Variants in GLRA1 observed in about 807,000 individuals in gnomAD.
The protein encoded by GLRA1 is glycine receptor subunit alpha-1.
Under a neutral mutation model 48.3 loss-of-function variants are expected in GLRA1, and 37 were observed. The ratio of observed to expected loss-of-function variants is 0.77; its 90% CI spans 0.59 to 1.01. GLRA1 has a LOEUF of 1.01. Ranked by LOEUF, GLRA1 falls within the 50% of genes least tolerant of loss-of-function variation. The pLI, the probability that GLRA1 is intolerant of heterozygous loss-of-function variation, is 0.00. For missense variants in GLRA1, 427 were observed against 571.0 expected (o/e 0.75, Z 2.57); for synonymous variants, 196 against 210.7 (o/e 0.93, Z 0.60).
intron 1 of GLRA1, among the ~76,000 whole-genome samples, chr5:151,897,670 T>G (rs1313827135): frequency 1.3e-5 from 2 of 152,206 alleles, no homozygotes; most frequent in African/African-American, 4.8e-5. Context: ...AATCTGGCAT[T>G]GCTTTGAAGA....
chr5:151,874,523 C>A (rs1263448321), intron 3 of GLRA1, among the ~76,000 whole-genome samples: 2 of 152,064 alleles, frequency 1.3e-5, no homozygotes, highest in Non-Finnish European at 2.9e-5. Flanking sequence ...CTGACTAGCT[C>A]TTGTGATTTA....
At chr5:151,924,203 G>T (rs946137516) in intron 1 of GLRA1, among the ~76,000 whole-genome samples, 1 of 151,964 alleles carries the variant, frequency 6.6e-6, no homozygotes, top group Non-Finnish European at 1.5e-5. Flanking sequence ...GACCAATAGT[G>T]GGGGGTGTAG....
intron 2 of GLRA1, among the ~76,000 whole-genome samples, chr5:151,888,147 T>G (rs992827034): frequency 2.0e-5 from 3 of 152,214 alleles, no homozygotes; most frequent in African/African-American, 7.2e-5. Flanking sequence ...GAACCAAAGT[T>G]TTCTGATTGT....
chr5:151,844,596 T>C (rs1752613649), intron 7 of GLRA1, among the ~76,000 whole-genome samples: 1 of 118,096 alleles, frequency 8.5e-6, no homozygotes, highest in Non-Finnish European at 1.6e-5. Context: ...CACTCCAGCC[T>C]GGGTGACAGA....
chr5:151,842,425 G>A (rs544095353), intron 7 of GLRA1, among the ~76,000 whole-genome samples: 34 of 151,458 alleles, frequency 2.2e-4, no homozygotes, highest in Admixed American at 1.7e-3. Context: ...ATGAGTAAGT[G>A]GGATGTATCC....
intron 7 of GLRA1, among the ~76,000 whole-genome samples, chr5:151,849,401 C>G (rs1350929469): frequency 0.019 from 148 of 7,692 alleles, 4 homozygotes; most frequent in African/African-American, 0.084. Context: ...CTTTCCTTTC[C>G]TTTCCTTTCC....
chr5:151,851,376 G>A lies in GLRA1; in HGVS notation c.912+14C>T. 1 of 1,579,062 alleles carries A rather than the reference G, an allele frequency of 6.3e-7. No individual in the cohort carries two copies. The highest frequency in any genetic ancestry group is 8.7e-7 in the Non-Finnish European group (1 of 1,149,176). ...TTGTCCAGGTGTTCTGTGCTCTTGGGCAATGGGACTTACCTTGGGCAGAGA... is the reference window on the plus strand; with the variant it reads ...TTGTCCAGGTGTTCTGTGCTCTTGGACAATGGGACTTACCTTGGGCAGAGA... On this transcript the variant is annotated intron_variant, in intron 7 of 8. Coordinates refer to ENST00000274576, the MANE Select transcript of GLRA1 (RefSeq NM_000171.4).
chr5:151,855,764 A>C (rs1002370722), intron 5 of GLRA1, among the ~76,000 whole-genome samples: 3 of 152,218 alleles, frequency 2.0e-5, no homozygotes, highest in Admixed American at 6.5e-5. Context: ...TAAGTTAGTC[A>C]GATTGGTTTC....
At chr5:151,921,387 C>A (rs935862635) in intron 1 of GLRA1, among the ~76,000 whole-genome samples, 1 of 152,162 alleles carries the variant, frequency 6.6e-6, no homozygotes, top group African/African-American at 2.4e-5. Context: ...CCCCTTTGCC[C>A]AGGATGTATA....
intron 3 of GLRA1, among the ~76,000 whole-genome samples, chr5:151,876,590 T>G (rs147391453): frequency 6.6e-6 from 1 of 152,182 alleles, no homozygotes; most frequent in Non-Finnish European, 1.5e-5. Context: ...TTCCTTAAAA[T>G]AGACTCCTTG....
intron 1 of GLRA1, among the ~76,000 whole-genome samples, chr5:151,893,075 G>A (rs1345819607): frequency 6.6e-6 from 1 of 152,100 alleles, no homozygotes; most frequent in Non-Finnish European, 1.5e-5. Flanking sequence ...GTTAGCAGAA[G>A]GGACTGACAT....
intron 3 of GLRA1, among the ~76,000 whole-genome samples, chr5:151,869,224 C>G (rs1340297070): frequency 6.6e-6 from 1 of 151,814 alleles, no homozygotes; most frequent in African/African-American, 2.4e-5. Context: ...CTGCCCTAGC[C>G]CCCTGAGTAG....
chr5:151,883,296 A>G (rs1753805311), intron 3 of GLRA1, among the ~76,000 whole-genome samples: 1 of 152,182 alleles, frequency 6.6e-6, no homozygotes, highest in Admixed American at 6.5e-5. Flanking sequence ...GGAGCTGGGC[A>G]TGGCATGATA....
chr5:151,855,187 G>A lies in GLRA1; in HGVS notation c.560-10C>T. On this transcript the variant is annotated splice_polypyrimidine_tract_variant and intron_variant, in intron 5 of 8. Coordinates refer to ENST00000274576, the MANE Select transcript of GLRA1 (RefSeq NM_000171.4). Reference sequence around the variant, plus strand: ...TTCATCGTATATCCAACTGGGATGGGATCAGAAGAAGGAGCAGTCACCACT... The same window carrying A: ...TTCATCGTATATCCAACTGGGATGGAATCAGAAGAAGGAGCAGTCACCACT... The A allele has an allele frequency of 1.9e-6, 3 of 1,613,810 alleles. No individual in the cohort carries two copies. The highest frequency in any genetic ancestry group is 2.5e-6 in the Non-Finnish European group (3 of 1,179,696).
At chr5:151,882,278 A>G (rs1334539407) in intron 3 of GLRA1, among the ~76,000 whole-genome samples, 2 of 152,192 alleles carry the variant, frequency 1.3e-5, no homozygotes, top group East Asian at 3.8e-4. Context: ...GTCCTTAGGA[A>G]AATAACCTAA....
chr5:151,889,249 TA>T (rs1753995663), intron 2 of GLRA1, among the ~76,000 whole-genome samples: 1 of 152,262 alleles, frequency 6.6e-6, no homozygotes, highest in Non-Finnish European at 1.5e-5. Context: ...CAGGATAATG[TA>T]TATATTTCAC....
rs151276682 is a variant in GLRA1 at position 151,822,813 on chromosome 5, T to A, written c.1210A>T (p.Met404Leu). 6 of 1,613,986 alleles carry A rather than the reference T, an allele frequency of 3.7e-6. No homozygotes were observed. In the African/African-American group the frequency reaches 8.0e-5, roughly 22 times the overall value. Residue 404 changes from methionine (M) to leucine (L), a missense_variant, in exon 9 of 9, where the codon ATG becomes TTG. By Grantham distance (15) the Met-to-Leu change is conservative. Coordinates refer to ENST00000274576, the MANE Select transcript of GLRA1 (RefSeq NM_000171.4). ...PPAPSKSPEEMRKLFIQRAKK... is the reference protein window; with the variant it reads ...PPAPSKSPEELRKLFIQRAKK... ...GCCCTCTGGATGAAGAGTTTTCGCATCTCCTCTGGGGACTTAGATGGTGCA... is the reference window on the plus strand; with the variant it reads ...GCCCTCTGGATGAAGAGTTTTCGCAACTCCTCTGGGGACTTAGATGGTGCA...
intron 3 of GLRA1, among the ~76,000 whole-genome samples, chr5:151,874,954 G>A (rs77218607): frequency 0.024 from 3,607 of 152,140 alleles, 130 homozygotes; most frequent in African/African-American, 0.081. Context: ...AAGGAGACCA[G>A]TTAGGAGGCC....
rs201236321 is a variant in GLRA1 at position 151,826,440 on chromosome 5, CTGA to C, written c.1059+2478_1059+2480del. On this transcript the variant is annotated intron_variant, in intron 8 of 8. Coordinates refer to ENST00000274576, the MANE Select transcript of GLRA1 (RefSeq NM_000171.4). ...TTTTATCTGCTTCAGGATGGACACA[CTGA>C]TGAACAGATAAGAACTCATGGTGGT... Among the ~76,000 whole-genome samples the C allele has an allele frequency of 1.4e-3, 210 of 152,292 alleles. 2 individuals are homozygous for C. The East Asian group carries it at 0.015, about 11-fold the overall frequency.
Sources: gnomAD v4.1 joint callset for allele counts (sites outside exome capture counted in the v4.1 genomes callset) on GRCh38, gnomAD v4.1.1 for gene constraint, MANE v1.5 for transcripts, NCBI Gene and HGNC (gene_info 2026-07-23, HGNC 2026-07-21) for gene names.